Variants in SLC30A6 observed in about 807,000 individuals in gnomAD.
SLC30A6 encodes solute carrier family 30 member 6.
Under a neutral mutation model 63.0 loss-of-function variants are expected in SLC30A6, and 55 were observed. The observed-to-expected ratio is 0.87, with a 90% CI of 0.70 to 1.09. The LOEUF is 1.09. Among genes scored for constraint, SLC30A6 ranks in the 50% least tolerant of loss-of-function variants. SLC30A6 has a pLI of 0.00. For synonymous variants in SLC30A6, 224 were observed against 186.1 expected, an observed-to-expected ratio of 1.20 and a Z score of -1.66; for missense variants, 587 against 549.2, an observed-to-expected ratio of 1.07 and a Z score of -0.69.
intron 4 of SLC30A6, among the ~76,000 whole-genome samples, chr2:32,177,944 A>ATTTT (rs1042062133): frequency 3.3e-5 from 4 of 120,464 alleles, no homozygotes; most frequent in Non-Finnish European, 5.3e-5. Flanking sequence ...TTTTGAGTTA[A>ATTTT]TTTTTTTTTT....
At chr2:32,168,722 C>T (rs1171787930) in intron 1 of SLC30A6, among the ~76,000 whole-genome samples, 1 of 152,114 alleles carries the variant, frequency 6.6e-6, no homozygotes, top group East Asian at 1.9e-4. Context: ...CTGGCCTTTT[C>T]ACGCAAGAGT....
In SLC30A6 at chr2:32,220,133, TAAATA is replaced by T. The variant is rs1377177106; in HGVS notation, c.886-75_886-71del. 60 of 1,466,622 alleles carry T rather than the reference TAAATA, an allele frequency of 4.1e-5. No individual in the cohort carries two copies. In the Admixed American group the frequency reaches 5.3e-4, roughly 13 times the overall value. The allele number at this position is 1,466,622 out of a possible 1,614,324, so 90.9% of individuals were successfully genotyped here. On this transcript the variant is annotated intron_variant, in intron 13 of 13. Transcript: ENST00000282587. Reference sequence around the variant, plus strand: ...AAAATGCCAGGAACTTACCAAATCATAAATAAAATGTTTTATCTAATGAATTTTTT... The same window carrying T: ...AAAATGCCAGGAACTTACCAAATCATAAATGTTTTATCTAATGAATTTTTT...
chr2:32,205,252 C>G (rs1463639662), intron 11 of SLC30A6, among the ~76,000 whole-genome samples: 1 of 152,086 alleles, frequency 6.6e-6, no homozygotes, highest in African/African-American at 2.4e-5. Context: ...AACCCTGTCT[C>G]TACTAAAAAA....
intron 6 of SLC30A6, 108 bp downstream of exon 6, chr2:32,192,524 C>A: frequency 1.1e-6 from 1 of 893,278 alleles, no homozygotes; most frequent in South Asian, 1.6e-5. Flanking sequence ...CTTAGATGAG[C>A]AGGGCTGGAG....
rs1226468280 is a variant in SLC30A6 at position 32,223,670 on chromosome 2, T to G, written c.*2957T>G. The G allele has an allele frequency of 6.6e-6, 1 of 152,208 alleles. No homozygotes were observed. The highest frequency in any genetic ancestry group is 1.5e-5 in the Non-Finnish European group (1 of 68,026). The allele number at this position is 152,208 out of a possible 1,614,324, so 9.4% of individuals were successfully genotyped here. A position where few individuals can be genotyped will look rare whatever the true frequency, so the allele number is the denominator to read the frequency against. The stretch of plus-strand genomic sequence containing the variant: ...TAATTTGAGGTGCCATGAGAATAGG[T>G]GAACCACAGCCTAACACCATTTAGG... On this transcript the variant is annotated 3_prime_UTR_variant, in exon 14 of 14. Coordinates refer to ENST00000282587, the MANE Select transcript of SLC30A6 (RefSeq NM_017964.5).
At chr2:32,202,287 C>T (rs1684362081) in intron 10 of SLC30A6, 2 of 509,294 alleles carry the variant, frequency 3.9e-6, no homozygotes, top group Non-Finnish European at 3.4e-6. Flanking sequence ...TTCTATTTTG[C>T]GATCCCTTTG....
chr2:32,216,760 T>A (rs1440238620), intron 13 of SLC30A6, among the ~76,000 whole-genome samples: 1 of 152,088 alleles, frequency 6.6e-6, no homozygotes, highest in Non-Finnish European at 1.5e-5. Flanking sequence ...TGGGGTTGTT[T>A]TTTGCTTGTT....
chr2:32,220,569 T>C lies in SLC30A6; in HGVS notation c.1242T>C (p.Asn414=). The C allele has an allele frequency of 6.2e-7, 1 of 1,614,222 alleles. No homozygotes were observed. Among genetic ancestry groups the C allele is most frequent in the Admixed American group, 1.7e-5 (1 of 60,024 alleles). The change falls in exon 14 of 14, where the codon AAT becomes AAC. Residue 414 remains asparagine, a synonymous_variant. Coordinates refer to ENST00000282587, the MANE Select transcript of SLC30A6 (RefSeq NM_017964.5). ...CAAGGCCTTATGGTTTTGGTCTCAATCATGGACACACACCTTACAGCAGCA... is the reference window on the plus strand; with the variant it reads ...CAAGGCCTTATGGTTTTGGTCTCAACCATGGACACACACCTTACAGCAGCA... ...TQTRPYGFGL[N]HGHTPYSSML...
intron 1 of SLC30A6, among the ~76,000 whole-genome samples, chr2:32,168,458 A>G (rs1478160065): frequency 6.7e-6 from 1 of 150,020 alleles, no homozygotes; most frequent in East Asian, 1.9e-4. Flanking sequence ...ATAAGTATAT[A>G]AAAACAAAAT....
intron 13 of SLC30A6, among the ~76,000 whole-genome samples, chr2:32,211,186 A>G (rs1428864779): frequency 6.6e-6 from 1 of 152,196 alleles, no homozygotes; most frequent in African/African-American, 2.4e-5. Flanking sequence ...GCTTTGGCTC[A>G]TTGCCTGGCC....
At chr2:32,203,809 A>T in intron 10 of SLC30A6, 3 of 1,458,482 alleles carry the variant, frequency 2.1e-6, no homozygotes, top group Non-Finnish European at 2.9e-6. Flanking sequence ...TTATGATAGA[A>T]ACACATCTTC....
At position 32,166,739 on chromosome 2, in the gene SLC30A6, C is replaced by T. The variant is rs145466281; in HGVS notation, c.3+836C>T. 2.5e-3 allele frequency among the ~76,000 whole-genome samples: 375 copies of T among 152,344 alleles called. 1 individual carries two copies. Among genetic ancestry groups the T allele is most frequent in the Middle Eastern group, 0.01 (3 of 294 alleles). The stretch of plus-strand genomic sequence containing the variant: ...CATTTCTGTGCCTAAGCTTTTGTCA[C>T]TGTACTAAGTTTTTTACTTAAGTGG... On this transcript the variant is annotated intron_variant, in intron 1 of 13. Transcript: ENST00000282587.
rs1290138930 is a variant in SLC30A6 at position 32,221,917 on chromosome 2, TATATC to T, written c.*1206_*1210del. The T allele has an allele frequency of 6.6e-6, 1 of 152,176 alleles. No individual in the cohort carries two copies. The highest frequency in any genetic ancestry group is 2.4e-5 in the African/African-American group (1 of 41,438). The allele number at this position is 152,176 out of a possible 1,614,324, so 9.4% of individuals were successfully genotyped here. ...TTAATTTCTTATTTTATTAACAAAATATATCAGATATATTACCAAAACACATGGAG... is the reference window on the plus strand; with the variant it reads ...TTAATTTCTTATTTTATTAACAAAATAGATATATTACCAAAACACATGGAG... On this transcript the variant is annotated 3_prime_UTR_variant, in exon 14 of 14. Transcript: ENST00000282587.
At chr2:32,200,252 A>C (rs1684169687) in intron 10 of SLC30A6, among the ~76,000 whole-genome samples, 1 of 151,884 alleles carries the variant, frequency 6.6e-6, no homozygotes. Context: ...TTTCATTCTT[A>C]TCCATTGCTA....
At chr2:32,171,945 C>T (rs568776249) in intron 2 of SLC30A6, among the ~76,000 whole-genome samples, 2 of 152,276 alleles carry the variant, frequency 1.3e-5, no homozygotes, top group Admixed American at 1.3e-4. Flanking sequence ...CCGCCCACCT[C>T]GGCCTCCCAA....
intron 5 of SLC30A6, 46 bp from the exon 6 acceptor site, chr2:32,192,290 G>A: frequency 6.4e-7 from 1 of 1,552,674 alleles, no homozygotes; most frequent in Non-Finnish European, 8.9e-7. Flanking sequence ...AGACTGGTTT[G>A]TGAATTGAAA....
rs141501206 is a variant in SLC30A6, at chr2:32,220,580, C to T, written c.1253C>T (p.Thr418Ile). 106 of 1,614,220 alleles carry T rather than the reference C, an allele frequency of 6.6e-5. No homozygotes were observed. In the African/African-American group the frequency reaches 1.3e-3, roughly 19 times the overall value. The change falls in exon 14 of 14, where the codon ACA becomes ATA. Residue 418 changes from threonine (T) to isoleucine (I), a missense_variant. Thr to Ile is a moderately conservative substitution (Grantham distance 89). Coordinates refer to ENST00000282587, the MANE Select transcript of SLC30A6 (RefSeq NM_017964.5). ...GGTTTTGGTCTCAATCATGGACACA[C>T]ACCTTACAGCAGCATGCTTAATCAA... is the stretch of plus-strand genomic sequence containing the variant. Reference protein sequence around the residue: ...PYGFGLNHGHTPYSSMLNQGL... With the variant: ...PYGFGLNHGHIPYSSMLNQGL...
Position 32,183,766 on chromosome 2 carries a change from A to T in SLC30A6, c.219-507A>T, listed in dbSNP as rs1279768103. Among the ~76,000 whole-genome samples the T allele has an allele frequency of 2.6e-5, 4 of 151,706 alleles. No homozygotes were observed. In the East Asian group the frequency reaches 7.7e-4, roughly 29 times the overall value. On this transcript the variant is annotated intron_variant, in intron 4 of 13. Coordinates refer to ENST00000282587, the MANE Select transcript of SLC30A6 (RefSeq NM_017964.5). ...ACTGGGTCTAACGCAGATAGTTGTT[A>T]CCTCAATTTCATATTGTAGTAACTT...
intron 10 of SLC30A6, among the ~76,000 whole-genome samples, chr2:32,200,782 G>T (rs1197635744): frequency 6.6e-6 from 1 of 151,804 alleles, no homozygotes; most frequent in Admixed American, 6.6e-5. Context: ...CTGTTGTCCT[G>T]TGACCCTGCC....
Sources: gnomAD v4.1 joint callset for allele counts (sites outside exome capture counted in the v4.1 genomes callset) on GRCh38, gnomAD v4.1.1 for gene constraint, MANE v1.5 for transcripts, NCBI Gene and HGNC (gene_info 2026-07-23, HGNC 2026-07-21) for gene names.